VPS8: variants seen among roughly 807,000 people sequenced by gnomAD.
VPS8 encodes vacuolar protein sorting-associated protein 8 homolog.
Under a neutral mutation model 216.4 loss-of-function variants are expected in VPS8, and 129 were observed. The observed-to-expected ratio is 0.60, with a 90% CI of 0.52 to 0.69. The LOEUF (loss-of-function observed/expected upper bound fraction) is 0.69. Ranked by LOEUF, VPS8 falls within the 30% of genes least tolerant of loss-of-function variation. The pLI is 0.00. For synonymous variants in VPS8, 571 were observed against 565.4 expected (o/e 1.01, Z -0.14); for missense variants, 1,531 against 1,683.5 (o/e 0.91, Z 1.59).
intron 42 of VPS8, among the ~76,000 whole-genome samples, chr3:184,984,041 G>A (rs867134922): frequency 2.0e-5 from 3 of 150,336 alleles, no homozygotes; most frequent in Admixed American, 6.6e-5. Context: ...AAAAATAGCC[G>A]GGCATGGTGG....
intron 21 of VPS8, among the ~76,000 whole-genome samples, chr3:184,876,413 A>T (rs1243557317): frequency 1.3e-5 from 2 of 151,744 alleles, no homozygotes; most frequent in Non-Finnish European, 2.9e-5. Context: ...GGTGACCAGG[A>T]TTTGTAGTCA....
At chr3:184,946,059 A>G (rs1743617283) in intron 36 of VPS8, among the ~76,000 whole-genome samples, 1 of 152,188 alleles carries the variant, frequency 6.6e-6, no homozygotes, top group African/African-American at 2.4e-5. Context: ...CTTAGGTTCT[A>G]CAATAGTGGT....
chr3:185,003,345 G>T (rs1320964128), intron 45 of VPS8, among the ~76,000 whole-genome samples: 1 of 145,928 alleles, frequency 6.9e-6, no homozygotes, highest in Admixed American at 6.8e-5. Context: ...ATTAGGGATT[G>T]GTGATGACTC....
At chr3:184,894,508 G>GTGTATATATATATA (rs1553857846) in intron 22 of VPS8, among the ~76,000 whole-genome samples, 195 bp from the exon 23 acceptor site, 41 of 133,120 alleles carry the variant, frequency 3.1e-4, no homozygotes, top group African/African-American at 1.0e-3. Flanking sequence ...ATATACACAC[G>GTGTATATATATATA]TATATATATA....
chr3:184,870,579 G>T, intron 20 of VPS8, 137 bp from the exon 21 acceptor site: 1 of 655,794 alleles, frequency 1.5e-6, no homozygotes, highest in South Asian at 2.2e-5. Flanking sequence ...TTAAAAAGTT[G>T]GTAAATAAAG....
intron 22 of VPS8, among the ~76,000 whole-genome samples, chr3:184,890,393 T>C (rs181922774): frequency 2.9e-4 from 44 of 152,294 alleles, no homozygotes; most frequent in Non-Finnish European, 5.3e-4. Flanking sequence ...ATTCCTTTTA[T>C]ATTAATGTCT....
intron 47 of VPS8, 77 bp from the exon 48 acceptor site, chr3:185,051,799 C>G: frequency 1.4e-6 from 2 of 1,456,258 alleles, no homozygotes; most frequent in East Asian, 2.5e-5. Flanking sequence ...TCTCATGTAT[C>G]TGAAGCAGTG....
At chr3:184,886,201 T>G (rs750360676) in intron 22 of VPS8, 45 bp downstream of exon 22, 1 of 1,556,048 alleles carries the variant, frequency 6.4e-7, no homozygotes, top group Non-Finnish European at 8.8e-7. Context: ...TGAACCCAGG[T>G]AGCCTCTTAT....
chr3:184,957,863 A>G (rs958797346), intron 37 of VPS8, among the ~76,000 whole-genome samples: 2 of 152,208 alleles, frequency 1.3e-5, no homozygotes, highest in African/African-American at 4.8e-5. Context: ...AAAAGGTGGA[A>G]ACATGTATGG....
At chr3:184,977,579 C>T (rs776221040) in intron 40 of VPS8, among the ~76,000 whole-genome samples, 22 of 152,000 alleles carry the variant, frequency 1.4e-4, no homozygotes, top group Non-Finnish European at 2.8e-4. Context: ...GAGTTTTATA[C>T]TCTGAGGTCT....
intron 37 of VPS8, among the ~76,000 whole-genome samples, chr3:184,959,921 G>A (rs1441639391): frequency 2.6e-5 from 4 of 151,450 alleles, no homozygotes; most frequent in Non-Finnish European, 5.9e-5. Context: ...CATGTGCCAT[G>A]TTGGTGTGCT....
At chr3:184,824,968 C>T in intron 2 of VPS8, 183 bp downstream of exon 2, 5 of 613,122 alleles carry the variant, frequency 8.2e-6, no homozygotes, top group Non-Finnish European at 1.4e-5. Context: ...TACAGTGGTG[C>T]AAACATGGCT....
At chr3:184,966,749 C>T (rs556449535) in intron 39 of VPS8, 36 bp downstream of exon 39, 41 of 1,462,704 alleles carry the variant, frequency 2.8e-5, no homozygotes, top group Non-Finnish European at 3.7e-5. Context: ...ATTTTTCATC[C>T]TTGGACCCCA....
At chr3:184,976,376 A>G (rs953193411) in intron 40 of VPS8, among the ~76,000 whole-genome samples, 1 of 150,894 alleles carries the variant, frequency 6.6e-6, no homozygotes, top group Non-Finnish European at 1.5e-5. Context: ...GGCAGCCTGT[A>G]TTTGGACTTT....
chr3:184,859,179 A>C (rs993856589), intron 14 of VPS8, among the ~76,000 whole-genome samples: 1 of 152,146 alleles, frequency 6.6e-6, no homozygotes. Flanking sequence ...TTTCCTCACT[A>C]ATTGATGGGT....
At chr3:184,911,568 G>A (rs1736536041) in intron 25 of VPS8, among the ~76,000 whole-genome samples, 1 of 152,198 alleles carries the variant, frequency 6.6e-6, no homozygotes, top group African/African-American at 2.4e-5. Flanking sequence ...GGGAAAAGAG[G>A]AACAGTTAAT....
At position 184,871,482 on chromosome 3, in the gene VPS8, G is replaced by A. The variant is rs538086157; in HGVS notation, c.1734+677G>A. Among the ~76,000 whole-genome samples, 5 of 152,204 alleles carry A rather than the reference G, an allele frequency of 3.3e-5. No individual in the cohort carries two copies. In the East Asian group the frequency reaches 5.8e-4, roughly 18 times the overall value. On this transcript the variant is annotated intron_variant, in intron 21 of 47. Transcript: ENST00000625842. Reference sequence around the variant, plus strand: ...GACTTTTTCTAAAAAGACTCAGATAGCAGAGTTTAGGCTTTGCAGGCTACA... The same window carrying A: ...GACTTTTTCTAAAAAGACTCAGATAACAGAGTTTAGGCTTTGCAGGCTACA...
chr3:184,838,054 T>C (rs1013297521), intron 5 of VPS8, among the ~76,000 whole-genome samples: 5 of 152,244 alleles, frequency 3.3e-5, no homozygotes, highest in Non-Finnish European at 7.3e-5. Context: ...TACATATTTA[T>C]TTGATTCTTC....
At chr3:184,954,057 T>C (rs1320421633) in intron 36 of VPS8, among the ~76,000 whole-genome samples, 2 of 152,144 alleles carry the variant, frequency 1.3e-5, no homozygotes, top group African/African-American at 4.8e-5. Flanking sequence ...CCTCCGCAGG[T>C]TCCATTAATT....
Sources: allele counts gnomAD v4.1 joint callset (sites outside exome capture counted in the v4.1 genomes callset), GRCh38; gene constraint gnomAD v4.1.1; transcripts MANE v1.5; gene names NCBI Gene and HGNC (gene_info 2026-07-23, HGNC 2026-07-21).